Variants in BCL7A observed in about 807,000 individuals in gnomAD.
BCL7A encodes the protein B-cell CLL/lymphoma 7 protein family member A.
Under a neutral mutation model 28.4 loss-of-function variants are expected in BCL7A, and 11 were observed. The ratio of observed to expected loss-of-function variants is 0.39; its 90% confidence interval spans 0.24 to 0.64. BCL7A has a LOEUF of 0.64. Among genes scored for constraint, BCL7A ranks in the 30% least tolerant of loss-of-function variants. The pLI is 0.50. For synonymous variants in BCL7A, 123 were observed against 103.3 expected (o/e 1.19, Z -1.15); for missense variants, 222 against 274.8 (o/e 0.81, Z 1.36).
At chr12:122,036,897 C>T (rs1883867728) in intron 3 of BCL7A, among the ~76,000 whole-genome samples, 1 of 152,162 alleles carries the variant, frequency 6.6e-6, no homozygotes, top group African/African-American at 2.4e-5. Flanking sequence ...TTAGTAGATA[C>T]GAGGTTTCAC....
At chr12:122,054,391 AC>A (rs1039245963) in intron 4 of BCL7A, among the ~76,000 whole-genome samples, 34 of 152,264 alleles carry the variant, frequency 2.2e-4, no homozygotes, top group African/African-American at 7.5e-4. Flanking sequence ...CCGGCCAAAT[AC>A]CCATATTATT....
chr12:122,049,035 AAT>A (rs1159174556), intron 4 of BCL7A, among the ~76,000 whole-genome samples: 141 of 58,362 alleles, frequency 2.4e-3, no homozygotes, highest in African/African-American at 9.7e-3. Context: ...AAAAAAAAAA[AAT>A]ATATATATAT....
chr12:122,057,578 G>T (rs572431938), intron 5 of BCL7A, among the ~76,000 whole-genome samples: 2 of 152,250 alleles, frequency 1.3e-5, no homozygotes, highest in South Asian at 4.1e-4. Flanking sequence ...GTCCAGGCCT[G>T]GGTCTTTCTC....
chr12:122,036,252 C>T (rs919372283), intron 3 of BCL7A, among the ~76,000 whole-genome samples: 14 of 152,096 alleles, frequency 9.2e-5, no homozygotes, highest in African/African-American at 2.7e-4. Context: ...GTAACTTAGC[C>T]GGGTACAGGA....
chr12:122,050,253 T>G (rs1226392738), intron 4 of BCL7A, among the ~76,000 whole-genome samples: 1 of 151,122 alleles, frequency 6.6e-6, no homozygotes, highest in East Asian at 2.0e-4. Flanking sequence ...GTGTTGGGAT[T>G]ACAGGCGTGA....
At chr12:122,040,777 A>T (rs2135850052) in intron 3 of BCL7A, among the ~76,000 whole-genome samples, 1 of 152,258 alleles carries the variant, frequency 6.6e-6, no homozygotes, top group Admixed American at 6.5e-5. Flanking sequence ...TGGGTACAGC[A>T]GGGGATGAAG....
chr12:122,038,431 CAAAAAAA>C lies in BCL7A; in HGVS notation c.271+3026_271+3032del, dbSNP rs56376395. On this transcript the variant is annotated intron_variant, in intron 3 of 5. Coordinates refer to ENST00000261822, the MANE Select transcript of BCL7A (RefSeq NM_001024808.3). ...TGGGCAAAGGAGCGAGACTCTGCCTCAAAAAAAAAAAAAAAAAAAAAAAAAAAAGAGC... is the reference window on the plus strand; with the variant it reads ...TGGGCAAAGGAGCGAGACTCTGCCTCAAAAAAAAAAAAAAAAAAAAAGAGC... Among the ~76,000 whole-genome samples, 27 of 33,552 alleles carry C rather than the reference CAAAAAAA, an allele frequency of 8.0e-4. 1 individual carries two copies. Among genetic ancestry groups the C allele is most frequent in the African/African-American group, 1.3e-3 (18 of 13,536 alleles). The allele number at this position is 33,552 out of a possible 152,430, so 22.0% of individuals were successfully genotyped here.
At chr12:122,027,761 C>T (rs975633892) in intron 1 of BCL7A, among the ~76,000 whole-genome samples, 20 of 151,800 alleles carry the variant, frequency 1.3e-4, no homozygotes, top group Non-Finnish European at 2.4e-4. Flanking sequence ...CGCTTGAACC[C>T]GGGAGGCGGA....
chr12:122,025,574 C>T (rs1348996718), intron 1 of BCL7A, among the ~76,000 whole-genome samples: 4 of 150,566 alleles, frequency 2.7e-5, no homozygotes, highest in Non-Finnish European at 1.5e-5. Context: ...TTGCAGTGAG[C>T]GGAGATTGCG....
Position 122,059,198 on chromosome 12 carries a change from G to C in BCL7A, c.*35G>C. 6.4e-7 allele frequency: 1 copy of C among 1,574,162 alleles called. No homozygotes were observed. Among genetic ancestry groups the C allele is most frequent in the Non-Finnish European group, 8.7e-7 (1 of 1,143,916 alleles). On this transcript the variant is annotated 3_prime_UTR_variant, in exon 6 of 6. Coordinates refer to ENST00000261822, the MANE Select transcript of BCL7A (RefSeq NM_001024808.3). This position sits in a 1 kb window ranked among gnomAD's most constrained non-coding sequence, Gnocchi z 4.0. Reference sequence around the variant, plus strand: ...TAAAGCCTCCGATCCATGTTCCATGGAAGGTACATCAGCAATTAATTCTAG... The same window carrying C: ...TAAAGCCTCCGATCCATGTTCCATGCAAGGTACATCAGCAATTAATTCTAG...
intron 3 of BCL7A, among the ~76,000 whole-genome samples, chr12:122,036,793 C>T (rs1190763368): frequency 6.6e-6 from 1 of 151,868 alleles, no homozygotes; most frequent in South Asian, 2.1e-4. Context: ...CCGCAACCTC[C>T]GCCTCCTGGG....
At chr12:122,022,429 G>C (rs996302089) in intron 1 of BCL7A, among the ~76,000 whole-genome samples, 1 of 144,750 alleles carries the variant, frequency 6.9e-6, no homozygotes. Flanking sequence ...CGGCGGCCCG[G>C]AGGCGGCGGG....
At chr12:122,025,336 A>G (rs1883598451) in intron 1 of BCL7A, among the ~76,000 whole-genome samples, 2 of 152,142 alleles carry the variant, frequency 1.3e-5, no homozygotes, top group Admixed American at 6.5e-5. Flanking sequence ...AAGAAAAAGA[A>G]AAAAAAGAGC....
At chr12:122,051,238 C>T (rs1043107252) in intron 4 of BCL7A, among the ~76,000 whole-genome samples, 10 of 152,168 alleles carry the variant, frequency 6.6e-5, no homozygotes, top group South Asian at 6.2e-4. Context: ...TGGGCCTGCA[C>T]GGCTGCCCTG....
At chr12:122,024,699 A>C (rs1883576893) in intron 1 of BCL7A, among the ~76,000 whole-genome samples, 1 of 152,336 alleles carries the variant, frequency 6.6e-6, no homozygotes, top group African/African-American at 2.4e-5. Flanking sequence ...ACCCAGTTAA[A>C]TTTGAATTTC....
chr12:122,026,488 A>AC (rs1883632991), intron 1 of BCL7A, among the ~76,000 whole-genome samples: 1 of 152,196 alleles, frequency 6.6e-6, no homozygotes, highest in Non-Finnish European at 1.5e-5. Flanking sequence ...ACCCCTTAGC[A>AC]CCTGGTCTGA....
intron 1 of BCL7A, among the ~76,000 whole-genome samples, chr12:122,023,868 T>C (rs2135835265): frequency 6.6e-6 from 1 of 152,300 alleles, no homozygotes; most frequent in Admixed American, 6.5e-5. Flanking sequence ...AAAGAACTGG[T>C]GTCTGTGCCT....
chr12:122,051,291 C>G (rs935053430), intron 4 of BCL7A, among the ~76,000 whole-genome samples: 1 of 152,010 alleles, frequency 6.6e-6, no homozygotes, highest in Non-Finnish European at 1.5e-5. Flanking sequence ...CCGAGCTGCC[C>G]GTGGGAAGGG....
intron 4 of BCL7A, among the ~76,000 whole-genome samples, chr12:122,045,883 G>C (rs770998412): frequency 1.3e-5 from 2 of 151,822 alleles, no homozygotes; most frequent in East Asian, 3.9e-4. Context: ...GAGCCCAGGA[G>C]TTCAAGACCA....
Sources: gnomAD v4.1 joint callset for allele counts (sites outside exome capture counted in the v4.1 genomes callset) on GRCh38, gnomAD v4.1.1 for gene constraint, Gnocchi (gnomAD v3.1) non-coding constraint, MANE v1.5 for transcripts, NCBI Gene and HGNC (gene_info 2026-07-23, HGNC 2026-07-21) for gene names.